FAIM: variants seen among roughly 807,000 people sequenced by gnomAD.
FAIM encodes fas apoptotic inhibitory molecule 1.
FAIM carries 14 observed loss-of-function variants against 21.2 expected under a neutral mutation model. That is an observed-to-expected ratio of 0.66 (90% confidence interval 0.44 to 1.03). The LOEUF (loss-of-function observed/expected upper bound fraction) is 1.03, where lower values mean the gene tolerates loss of function less well. FAIM is among the 50% of genes least tolerant of loss of function. The pLI is 0.00. For synonymous variants in FAIM, 86 were observed against 80.4 expected, an observed-to-expected ratio of 1.07 and a Z score of -0.37; for missense variants, 222 against 247.1, an observed-to-expected ratio of 0.90 and a Z score of 0.68.
At chr3:138,616,998 A>T (rs1308922384) in intron 1 of FAIM, among the ~76,000 whole-genome samples, 1 of 152,124 alleles carries the variant, frequency 6.6e-6, no homozygotes, top group African/African-American at 2.4e-5. Context: ...GAGAATTAAA[A>T]ATTGCTATTT....
At position 138,628,717 on chromosome 3, in the gene FAIM, T is replaced by C. The variant is rs574459443; in HGVS notation, c.407-390T>C. ...CCAGGATGGTCTCGATCTCCTGACC[T>C]TGTGATCCGCCTGCCTCAGTCTCCC... On this transcript the variant is annotated intron_variant, in intron 4 of 5. Coordinates refer to ENST00000360570, the MANE Select transcript of FAIM (RefSeq NM_001033031.2). Among the ~76,000 whole-genome samples the C allele has an allele frequency of 2.8e-4, 42 of 152,188 alleles. No individual in the cohort carries two copies. In the East Asian group the frequency reaches 5.2e-3, roughly 19 times the overall value.
chr3:138,616,353 C>A (rs1047984319), intron 1 of FAIM, among the ~76,000 whole-genome samples: 2 of 152,058 alleles, frequency 1.3e-5, no homozygotes, highest in Non-Finnish European at 2.9e-5. Context: ...TTTTAATGTT[C>A]CAAAGAATAA....
In FAIM at chr3:138,610,826, G is replaced by A. The variant is rs529127798; in HGVS notation, c.-17+1889G>A. On this transcript the variant is annotated intron_variant, in intron 1 of 5. Coordinates refer to ENST00000360570, the MANE Select transcript of FAIM (RefSeq NM_001033031.2). ...TTGAACTATTGACCTCAAGTGATCC[G>A]ACCGCCTTGACCTCCCAAAGTGCTG... The A allele has an allele frequency of 3.8e-5, 27 of 708,702 alleles. No homozygotes were observed. The South Asian group carries it at 4.2e-4, about 11-fold the overall frequency. The allele number at this position is 708,702 out of a possible 1,614,324, so 43.9% of individuals were successfully genotyped here.
At chr3:138,627,915 G>A (rs1197558709) in intron 4 of FAIM, among the ~76,000 whole-genome samples, 1 of 152,108 alleles carries the variant, frequency 6.6e-6, no homozygotes, top group African/African-American at 2.4e-5. Flanking sequence ...GTAAGACCCT[G>A]GACTGGTGCC....
At chr3:138,628,725 C>T (rs191330793) in intron 4 of FAIM, among the ~76,000 whole-genome samples, 90 of 152,184 alleles carry the variant, frequency 5.9e-4, no homozygotes, top group African/African-American at 1.6e-3. Context: ...CCTTGTGATC[C>T]GCCTGCCTCA....
chr3:138,611,724 G>C (rs772453151), intron 1 of FAIM, among the ~76,000 whole-genome samples: 31 of 152,198 alleles, frequency 2.0e-4, no homozygotes, highest in Non-Finnish European at 3.4e-4. Flanking sequence ...GTTCTCACTA[G>C]AGCTGTTTGA....
chr3:138,611,643 G>T (rs749794801), intron 1 of FAIM, among the ~76,000 whole-genome samples: 1 of 152,180 alleles, frequency 6.6e-6, no homozygotes, highest in Non-Finnish European at 1.5e-5. Flanking sequence ...AGGTGTTTGG[G>T]TCATGGGGGC....
intron 4 of FAIM, among the ~76,000 whole-genome samples, chr3:138,626,479 C>A (rs1223738755): frequency 6.6e-6 from 1 of 152,164 alleles, no homozygotes; most frequent in Non-Finnish European, 1.5e-5. Flanking sequence ...TTGCTTTATT[C>A]ACTTATTATA....
chr3:138,609,613 G>C (rs1221299888), intron 1 of FAIM, among the ~76,000 whole-genome samples: 7 of 14,300 alleles, frequency 4.9e-4, no homozygotes, highest in Non-Finnish European at 7.6e-4. Context: ...TCTCTCTCTC[G>C]ACTCTCTCTC....
rs763400705 is a variant in FAIM at position 138,629,168 on chromosome 3, A to G, written c.456+12A>G. The G allele has an allele frequency of 5.6e-6, 9 of 1,602,152 alleles. No individual in the cohort carries two copies. The highest frequency in any genetic ancestry group is 2.2e-5 in the East Asian group (1 of 44,810). The stretch of plus-strand genomic sequence containing the variant: ...AATTGGAGACAGCGGTAAGTTGACT[A>G]TTTGATGACTCTAAGTGCCATGTGT... On this transcript the variant is annotated intron_variant, in intron 5 of 5. Transcript: ENST00000360570.
chr3:138,618,084 G>A (rs1454902614), intron 1 of FAIM, among the ~76,000 whole-genome samples: 2 of 151,288 alleles, frequency 1.3e-5, no homozygotes, highest in African/African-American at 2.4e-5. Flanking sequence ...AGGCTCAAGC[G>A]ATCCTCCCAC....
intron 4 of FAIM, among the ~76,000 whole-genome samples, chr3:138,623,470 A>T (rs1002103301): frequency 2.6e-5 from 4 of 152,118 alleles, no homozygotes; most frequent in Admixed American, 1.3e-4. Flanking sequence ...GGCTCAAGTG[A>T]TCCTCCAGCC....
chr3:138,609,363 C>T (rs1175118358), intron 1 of FAIM, among the ~76,000 whole-genome samples: 2 of 151,980 alleles, frequency 1.3e-5, no homozygotes, highest in Admixed American at 1.3e-4. Flanking sequence ...GATAATACTT[C>T]TCACTGTCGA....
chr3:138,614,804 G>A (rs2108336921), intron 1 of FAIM, among the ~76,000 whole-genome samples: 1 of 151,924 alleles, frequency 6.6e-6, no homozygotes, highest in Middle Eastern at 3.4e-3. Flanking sequence ...AGCCGGGTGT[G>A]GTGGTGTGTA....
intron 1 of FAIM, among the ~76,000 whole-genome samples, chr3:138,611,350 A>T (rs1033211183): frequency 2.0e-5 from 3 of 152,082 alleles, no homozygotes; most frequent in Non-Finnish European, 4.4e-5. Context: ...AAAGTATACA[A>T]TTCTTTCTAA....
intron 5 of FAIM, chr3:138,631,131 C>G (rs1171511890): frequency 6.7e-6 from 1 of 149,958 alleles, no homozygotes; most frequent in Non-Finnish European, 1.5e-5. Flanking sequence ...GAATGTGAGA[C>G]CCTGTCTCAA....
intron 2 of FAIM, 104 bp from the exon 3 acceptor site, chr3:138,621,303 T>C (rs2042882065): frequency 1.6e-6 from 2 of 1,215,184 alleles, no homozygotes; most frequent in African/African-American, 3.1e-5. Context: ...TTTAATATTT[T>C]GACATTTTAG....
chr3:138,632,857 T>C, intron 5 of FAIM, 73 bp from the exon 6 acceptor site: 1 of 1,449,516 alleles, frequency 6.9e-7, no homozygotes. Context: ...CTAGTACTTT[T>C]AGATGGTGTG....
At chr3:138,627,307 G>A (rs998581614) in intron 4 of FAIM, among the ~76,000 whole-genome samples, 5 of 151,334 alleles carry the variant, frequency 3.3e-5, no homozygotes, top group Admixed American at 3.3e-4. Flanking sequence ...TCAGCCTCCT[G>A]AGTAGCTGGG....
Sources: gnomAD v4.1 joint callset for allele counts (sites outside exome capture counted in the v4.1 genomes callset) on GRCh38, gnomAD v4.1.1 for gene constraint, MANE v1.5 for transcripts, NCBI Gene and HGNC (gene_info 2026-07-23, HGNC 2026-07-21) for gene names.